NFATC2IP: variants seen among roughly 807,000 people sequenced by gnomAD.
NFATC2IP encodes the protein nuclear factor of activated T cells 2 interacting protein.
NFATC2IP carries 25 observed loss-of-function variants against 40.2 expected under a neutral mutation model. That is an observed-to-expected ratio of 0.62 (90% CI 0.45 to 0.87). The LOEUF (loss-of-function observed/expected upper bound fraction) is 0.87. Among genes scored for constraint, NFATC2IP ranks in the 40% least tolerant of loss-of-function variants. The pLI is 0.00. For missense variants in NFATC2IP, 553 were observed against 555.6 expected (o/e 1.00, Z 0.05); for synonymous variants, 241 against 236.3 (o/e 1.02, Z -0.18).
At chr16:28,962,459 AT>A (rs1414110624) in intron 7 of NFATC2IP, among the ~76,000 whole-genome samples, 1 of 152,108 alleles carries the variant, frequency 6.6e-6, no homozygotes, top group Non-Finnish European at 1.5e-5. Flanking sequence ...TTATATAGGC[AT>A]GACTGATTAA....
rs1269805912 is a variant in NFATC2IP at position 28,951,354 on chromosome 16, C to T, written c.343C>T (p.Leu115=). 22 of 1,414,816 alleles carry T rather than the reference C, an allele frequency of 1.6e-5. No individual in the cohort carries two copies. Among genetic ancestry groups the T allele is most frequent in the Non-Finnish European group, 1.9e-5 (21 of 1,086,074 alleles). The allele number at this position is 1,414,816 out of a possible 1,614,324, so 87.6% of individuals were successfully genotyped here. A position where few individuals can be genotyped will look rare whatever the true frequency, so the allele number is the denominator to read the frequency against. Reference sequence around the variant, plus strand: ...GGTCAGGCGGCGGCGGCGGCTGGTGCTGGATCCGGGGGAGGCGCCGCTGGT... The same window carrying T: ...GGTCAGGCGGCGGCGGCGGCTGGTGTTGGATCCGGGGGAGGCGCCGCTGGT... ...EPVRRRRRLV[L]DPGEAPLVPV... Residue 115 remains leucine (L), a synonymous_variant, in exon 1 of 8, where the codon CTG becomes TTG. Coordinates refer to ENST00000320805, the MANE Select transcript of NFATC2IP (RefSeq NM_032815.4).
At chr16:28,959,756 C>T (rs994131625) in intron 7 of NFATC2IP, among the ~76,000 whole-genome samples, 6 of 151,930 alleles carry the variant, frequency 3.9e-5, no homozygotes, top group African/African-American at 1.5e-4. Flanking sequence ...TTAGTAGAGA[C>T]AGGGTTTCAC....
chr16:28,958,602 C>CA (rs1567513632), intron 5 of NFATC2IP, 115 bp from the exon 6 acceptor site: 1 of 873,286 alleles, frequency 1.1e-6, no homozygotes, highest in Admixed American at 2.3e-5. Context: ...TGATGAAACT[C>CA]ACAGCTGAGG....
chr16:28,959,359 C>T (rs1258650294), intron 7 of NFATC2IP, among the ~76,000 whole-genome samples: 2 of 152,084 alleles, frequency 1.3e-5, no homozygotes, highest in African/African-American at 2.4e-5. Flanking sequence ...ACAGAAAGGA[C>T]CCTTAGACGG....
chr16:28,956,906 T>C (rs1055706208), intron 5 of NFATC2IP: 1 of 153,472 alleles, frequency 6.5e-6, no homozygotes, highest in African/African-American at 2.4e-5. Flanking sequence ...ATAACAGACA[T>C]TACCATTACT....
chr16:28,963,092 G>A (rs890625964), intron 7 of NFATC2IP, among the ~76,000 whole-genome samples: 1 of 152,162 alleles, frequency 6.6e-6, no homozygotes, highest in Non-Finnish European at 1.5e-5. Context: ...TGAGGCAGGA[G>A]AATTGCTTGA....
rs1278829451 is a variant in NFATC2IP at position 28,958,700 on chromosome 16, G to A, written c.847-17G>A. 1.9e-6 allele frequency: 3 copies of A among 1,598,332 alleles called. No homozygotes were observed. The highest frequency in any genetic ancestry group is 2.6e-6 in the Non-Finnish European group (3 of 1,172,332). ...CAAGGCAGGAAGACCTCTTTTGCTT[G>A]TTGTCCCCATCCCTAGTCGGAGCCC... On this transcript the variant is annotated splice_polypyrimidine_tract_variant and intron_variant, in intron 5 of 7. Transcript: ENST00000320805.
chr16:28,963,293 A>G (rs1242730289), intron 7 of NFATC2IP, among the ~76,000 whole-genome samples: 1 of 152,160 alleles, frequency 6.6e-6, no homozygotes, highest in African/African-American at 2.4e-5. Flanking sequence ...ACATTTTTCT[A>G]AGGTCACATA....
intron 1 of NFATC2IP, 72 bp downstream of exon 1, chr16:28,951,470 G>T: frequency 1.5e-6 from 2 of 1,336,454 alleles, no homozygotes; most frequent in South Asian, 1.9e-5. Context: ...GCCGGCGTTC[G>T]GGGAGGGTAG....
In NFATC2IP at chr16:28,959,077, A is replaced by G; in HGVS notation, c.1078A>G (p.Thr360Ala). The change falls in exon 7 of 8, where the codon ACA becomes GCA. Residue 360 changes from threonine to alanine, a missense_variant. By Grantham distance (58) the Thr-to-Ala change is moderately conservative. Transcript: ENST00000320805. ...GGTGCAGGGAAAGGAGAAACACCAG[A>G]CACTGGAAGTCTCACTGTCTCGAGT... is the stretch of plus-strand genomic sequence containing the variant. Reference protein sequence around the residue: ...LRVQGKEKHQTLEVSLSRDSP... With the variant: ...LRVQGKEKHQALEVSLSRDSP... The G allele has an allele frequency of 6.2e-7, 1 of 1,612,724 alleles. No individual in the cohort carries two copies. The highest frequency in any genetic ancestry group is 8.5e-7 in the Non-Finnish European group (1 of 1,178,766).
rs1054819260 is a variant in NFATC2IP at position 28,950,959 on chromosome 16, G to A, written c.-53G>A. On this transcript the variant is annotated 5_prime_UTR_variant, in exon 1 of 8. Transcript: ENST00000320805. Reference sequence around the variant, plus strand: ...CAATGCAAGGCGAAAGTCGCTGAAGGGGGCGGGGCGAGGCGAGAGGAGGCG... The same window carrying A: ...CAATGCAAGGCGAAAGTCGCTGAAGAGGGCGGGGCGAGGCGAGAGGAGGCG... 4.2e-6 allele frequency: 6 copies of A among 1,429,102 alleles called. No homozygotes were observed. The African/African-American group carries it at 4.4e-5, about 11-fold the overall frequency. The allele number at this position is 1,429,102 out of a possible 1,614,324, so 88.5% of individuals were successfully genotyped here. A position where few individuals can be genotyped will look rare whatever the true frequency, so the allele number is the denominator to read the frequency against.
In NFATC2IP at chr16:28,963,852, G is replaced by A. The variant is rs1567515055; in HGVS notation, c.1249G>A (p.Val417Ile). ...LGMESGDLIE[V>I]WG ...CATGGAATCTGGGGACCTCATTGAGGTCTGGGGCTGACACCCCACTCCCTG... is the reference window on the plus strand; with the variant it reads ...CATGGAATCTGGGGACCTCATTGAGATCTGGGGCTGACACCCCACTCCCTG... Residue 417 changes from valine (V) to isoleucine (I), a missense_variant, in exon 8 of 8, where the codon GTC (valine) becomes ATC (isoleucine). Val to Ile is a conservative substitution (Grantham distance 29). Coordinates refer to ENST00000320805, the MANE Select transcript of NFATC2IP (RefSeq NM_032815.4). 1 of 1,614,186 alleles carries A rather than the reference G, an allele frequency of 6.2e-7. No homozygotes were observed. The highest frequency in any genetic ancestry group is 2.2e-5 in the East Asian group (1 of 44,894).
rs1965056299 is a variant in NFATC2IP, at chr16:28,959,175, G to A, written c.1101+75G>A. On this transcript the variant is annotated intron_variant, in intron 7 of 7. Transcript: ENST00000320805. ...CTCTTGTCTCTCTTGTCAGTTAATG[G>A]AGGATGGATTCCCCTAATCTTGACT... 1.1e-5 allele frequency: 10 copies of A among 912,024 alleles called. No individual in the cohort carries two copies. The South Asian group carries it at 1.4e-4, about 13-fold the overall frequency. The allele number at this position is 912,024 out of a possible 1,614,324, so 56.5% of individuals were successfully genotyped here.
At chr16:28,960,359 C>G (rs1965072234) in intron 7 of NFATC2IP, among the ~76,000 whole-genome samples, 1 of 152,162 alleles carries the variant, frequency 6.6e-6, no homozygotes, top group African/African-American at 2.4e-5. Context: ...GCCTTCCCAT[C>G]TGCAAAATAT....
Position 28,966,501 on chromosome 16 carries a change from G to A in NFATC2IP, c.*2638G>A, listed in dbSNP as rs1359157878. The A allele has an allele frequency of 3.5e-5, 5 of 144,684 alleles. No individual in the cohort carries two copies. Among genetic ancestry groups the A allele is most frequent in the African/African-American group, 5.1e-5 (2 of 38,912 alleles). The allele number at this position is 144,684 out of a possible 1,614,324, so 9.0% of individuals were successfully genotyped here. ...CGGCTGGGCATGGTTTCTCATGCCT[G>A]TAATCCCAGAACTTTGGGAGGCTGA... is the stretch of plus-strand genomic sequence containing the variant. On this transcript the variant is annotated 3_prime_UTR_variant, in exon 8 of 8. Coordinates refer to ENST00000320805, the MANE Select transcript of NFATC2IP (RefSeq NM_032815.4).
intron 2 of NFATC2IP, among the ~76,000 whole-genome samples, chr16:28,953,547 C>T (rs192191783): frequency 2.0e-5 from 3 of 152,240 alleles, no homozygotes; most frequent in Non-Finnish European, 2.9e-5. Context: ...AGAAGTGCTA[C>T]GTAAAAGGTA....
At chr16:28,951,630 TAG>T (rs1446255838) in intron 1 of NFATC2IP, among the ~76,000 whole-genome samples, 1 of 151,846 alleles carries the variant, frequency 6.6e-6, no homozygotes, top group Non-Finnish European at 1.5e-5. Context: ...TCCTAGGAGC[TAG>T]AGTCTTGGGG....
intron 5 of NFATC2IP, chr16:28,958,439 C>G: frequency 3.0e-6 from 1 of 336,814 alleles, no homozygotes; most frequent in Middle Eastern, 4.7e-4. Context: ...AGCTGCGTAA[C>G]AGCCAGCCTG....
chr16:28,951,037 G>A lies in NFATC2IP; in HGVS notation c.26G>A (p.Gly9Asp), dbSNP rs1338538767. 1 of 1,527,506 alleles carries A rather than the reference G, an allele frequency of 6.5e-7. No individual in the cohort carries two copies. The highest frequency in any genetic ancestry group is 8.8e-7 in the Non-Finnish European group (1 of 1,139,292). 94.6% of individuals were successfully genotyped at this position (1,527,506 alleles called of 1,614,324 possible). A position where few individuals can be genotyped will look rare whatever the true frequency, so the allele number is the denominator to read the frequency against. ...ATGGCGGAGCCTGTGGGGAAGCGGG[G>A]CCGCTGGTCCGGAGGTAGCGGTGCC... MAEPVGKR[G>D]RWSGGSGAGR... is the part of the protein sequence containing the mutation. Residue 9 changes from glycine (G) to aspartate (D), a missense_variant, in exon 1 of 8, where the codon GGC becomes GAC. By Grantham distance (94) the Gly-to-Asp change is moderately conservative. Coordinates refer to ENST00000320805, the MANE Select transcript of NFATC2IP (RefSeq NM_032815.4).
Sources: allele counts gnomAD v4.1 joint callset (sites outside exome capture counted in the v4.1 genomes callset), GRCh38; gene constraint gnomAD v4.1.1; transcripts MANE v1.5; gene names NCBI Gene and HGNC (gene_info 2026-07-23, HGNC 2026-07-21).